Variants in CADM1 observed in about 807,000 individuals in gnomAD.
CADM1 encodes cell adhesion molecule 1.
In CADM1, 15 loss-of-function variants were observed where a neutral mutation model predicts 53.1. The observed-to-expected ratio is 0.28, with a 90% CI of 0.19 to 0.44. The LOEUF is 0.44. Among genes scored for constraint, CADM1 ranks in the 20% least tolerant of loss-of-function variants. The pLI, the probability that CADM1 is intolerant of heterozygous loss-of-function variation, is 1.00. For synonymous variants in CADM1, 281 were observed against 243.0 expected, an observed-to-expected ratio of 1.16 and a Z score of -1.45; for missense variants, 434 against 611.3, an observed-to-expected ratio of 0.71 and a Z score of 3.06.
chr11:115,433,292 C>T (rs1449479921), intron 1 of CADM1, among the ~76,000 whole-genome samples: 1 of 152,142 alleles, frequency 6.6e-6, no homozygotes, highest in Non-Finnish European at 1.5e-5. Flanking sequence ...AGGAAAAATG[C>T]CAATAACTGA....
chr11:115,246,719 T>TTTG (rs558450268), intron 1 of CADM1, among the ~76,000 whole-genome samples: 1 of 152,222 alleles, frequency 6.6e-6, no homozygotes, highest in Non-Finnish European at 1.5e-5. Flanking sequence ...CTCAAAGGCT[T>TTTG]TTGTTGTTGT....
intron 1 of CADM1, chr11:115,396,766 T>C (rs1056792796): frequency 6.6e-6 from 1 of 152,030 alleles, no homozygotes; most frequent in African/African-American, 2.4e-5. Context: ...GAAGAGGCTA[T>C]AATTCAAACA....
At chr11:115,427,737 G>A (rs1005200266) in intron 1 of CADM1, among the ~76,000 whole-genome samples, 9 of 151,910 alleles carry the variant, frequency 5.9e-5, no homozygotes, top group Admixed American at 3.3e-4. Flanking sequence ...GGCCAGGCAC[G>A]GTGGCTCACG....
intron 1 of CADM1, among the ~76,000 whole-genome samples, chr11:115,401,053 G>C (rs1463155818): frequency 6.6e-6 from 1 of 152,090 alleles, no homozygotes; most frequent in African/African-American, 2.4e-5. Flanking sequence ...AGATGTTTAT[G>C]ACAGCTTCAT....
chr11:115,437,667 C>T (rs1299940608), intron 1 of CADM1, among the ~76,000 whole-genome samples: 1 of 152,094 alleles, frequency 6.6e-6, no homozygotes, highest in Non-Finnish European at 1.5e-5. Flanking sequence ...CTTCACCAGA[C>T]CAAAATTAAA....
intron 1 of CADM1, among the ~76,000 whole-genome samples, chr11:115,479,988 A>C (rs1277382573): frequency 1.3e-5 from 2 of 152,234 alleles, no homozygotes; most frequent in Non-Finnish European, 2.9e-5. Context: ...ATCCTCTTGA[A>C]ATATGGAATG....
chr11:115,418,717 C>G (rs984242600), intron 1 of CADM1, among the ~76,000 whole-genome samples: 11 of 152,222 alleles, frequency 7.2e-5, no homozygotes, highest in South Asian at 2.1e-4. Flanking sequence ...AAGGACCAAC[C>G]AAATCCTATC....
At chr11:115,356,833 A>G (rs1945885498) in intron 1 of CADM1, among the ~76,000 whole-genome samples, 1 of 152,182 alleles carries the variant, frequency 6.6e-6, no homozygotes, top group East Asian at 1.9e-4. Context: ...TAAGAACACA[A>G]AAACACCAAT....
intron 1 of CADM1, among the ~76,000 whole-genome samples, chr11:115,474,520 A>G (rs1159226215): frequency 6.6e-6 from 1 of 151,758 alleles, no homozygotes; most frequent in Admixed American, 6.6e-5. Context: ...ATGCAGCCAT[A>G]AAGAAGGATG....
intron 9 of CADM1, among the ~76,000 whole-genome samples, chr11:115,197,146 A>C (rs1428381984): frequency 6.6e-6 from 1 of 152,202 alleles, no homozygotes; most frequent in Non-Finnish European, 1.5e-5. Context: ...AGAATTCGTC[A>C]TAGGAAAGTC....
chr11:115,334,173 A>G (rs932487173), intron 1 of CADM1, among the ~76,000 whole-genome samples: 4 of 152,184 alleles, frequency 2.6e-5, no homozygotes, highest in African/African-American at 9.7e-5. Context: ...TTTACTCTGC[A>G]TGTTTGTACA....
At chr11:115,225,225 T>C (rs1256873673) in intron 5 of CADM1, among the ~76,000 whole-genome samples, 1 of 151,594 alleles carries the variant, frequency 6.6e-6, no homozygotes, top group Non-Finnish European at 1.5e-5. Context: ...AACAGGGAAA[T>C]GTCACAAACA....
chr11:115,426,679 C>G (rs931109202), intron 1 of CADM1, among the ~76,000 whole-genome samples: 7 of 152,120 alleles, frequency 4.6e-5, no homozygotes, highest in African/African-American at 1.4e-4. Flanking sequence ...CCATAATACT[C>G]TCTTCTTCAC....
At chr11:115,454,566 AT>A (rs1271048501) in intron 1 of CADM1, among the ~76,000 whole-genome samples, 1 of 152,218 alleles carries the variant, frequency 6.6e-6, no homozygotes, top group African/African-American at 2.4e-5. Context: ...AAAGAGTTTC[AT>A]TGTAATCTCA....
At chr11:115,499,610 C>T (rs1949689703) in intron 1 of CADM1, among the ~76,000 whole-genome samples, 1 of 152,228 alleles carries the variant, frequency 6.6e-6, no homozygotes, top group East Asian at 1.9e-4. Context: ...TGCCAGGAGG[C>T]GGAACAGAAG....
chr11:115,208,422 A>G (rs1350324597), intron 8 of CADM1, among the ~76,000 whole-genome samples: 3 of 152,174 alleles, frequency 2.0e-5, no homozygotes, highest in Admixed American at 6.5e-5. Flanking sequence ...ACTGACTCCC[A>G]TGAAAATTGG....
intron 1 of CADM1, among the ~76,000 whole-genome samples, chr11:115,299,931 C>T (rs923284758): frequency 6.6e-6 from 1 of 152,094 alleles, no homozygotes. Context: ...TAACAAAGTG[C>T]ATTCAAGGAA....
chr11:115,455,790 G>A (rs1416128058), intron 1 of CADM1, among the ~76,000 whole-genome samples: 3 of 152,152 alleles, frequency 2.0e-5, no homozygotes, highest in Non-Finnish European at 4.4e-5. Context: ...TTCACAAATC[G>A]CTGGTTCATT....
At chr11:115,302,353 C>T (rs544526841) in intron 1 of CADM1, among the ~76,000 whole-genome samples, 61 of 152,170 alleles carry the variant, frequency 4.0e-4, no homozygotes, top group South Asian at 1.2e-3. Context: ...AATAGAATTT[C>T]TCAGATTCCC....
Sources: allele counts gnomAD v4.1 joint callset (sites outside exome capture counted in the v4.1 genomes callset), GRCh38; gene constraint gnomAD v4.1.1; transcripts MANE v1.5; gene names NCBI Gene and HGNC (gene_info 2026-07-23, HGNC 2026-07-21).